The following MEI4 variants were observed in gnomAD, a reference collection of about 807,000 sequenced individuals.
MEI4 encodes the protein meiotic double-stranded break formation protein 4, also known as meiosis-specific protein MEI4.
In MEI4, 27 loss-of-function variants were observed where a neutral mutation model predicts 31.4. The ratio of observed to expected loss-of-function variants is 0.86; its 90% CI spans 0.63 to 1.19. The LOEUF (loss-of-function observed/expected upper bound fraction) is 1.19. Among genes scored for constraint, MEI4 ranks in the 50% most tolerant of loss-of-function variants. The pLI is 0.00. For missense variants in MEI4, 329 were observed against 398.9 expected, an observed-to-expected ratio of 0.82 and a Z score of 1.49; for synonymous variants, 122 against 145.4, an observed-to-expected ratio of 0.84 and a Z score of 1.16.
At chr6:77,810,329 A>G (rs566301737) in intron 3 of MEI4, among the ~76,000 whole-genome samples, 1 of 152,298 alleles carries the variant, frequency 6.6e-6, no homozygotes, top group East Asian at 1.9e-4. Flanking sequence ...CTGTAAGATT[A>G]TCTCTGGCCT....
intron 4 of MEI4, among the ~76,000 whole-genome samples, chr6:77,864,144 C>T (rs540226018): frequency 6.6e-6 from 1 of 152,228 alleles, no homozygotes; most frequent in South Asian, 2.1e-4. Flanking sequence ...TTGTAAAGAC[C>T]ATCGAGGCTA....
intron 1 of MEI4, among the ~76,000 whole-genome samples, chr6:77,672,399 C>T (rs979317482): frequency 6.6e-6 from 1 of 152,154 alleles, no homozygotes; most frequent in African/African-American, 2.4e-5. Flanking sequence ...TTTTAATTTG[C>T]TTTAAAATGT....
At chr6:77,751,319 T>G (rs1177982452) in intron 2 of MEI4, among the ~76,000 whole-genome samples, 1 of 151,046 alleles carries the variant, frequency 6.6e-6, no homozygotes. Context: ...TTGAAAAAAC[T>G]TGGTGAATCC....
At chr6:77,790,896 G>A (rs996251327) in intron 3 of MEI4, among the ~76,000 whole-genome samples, 1 of 152,132 alleles carries the variant, frequency 6.6e-6, no homozygotes, top group Admixed American at 6.5e-5. Flanking sequence ...CTTCTCAAAA[G>A]AAGACATTTA....
intron 4 of MEI4, among the ~76,000 whole-genome samples, chr6:77,922,365 G>T (rs1350940679): frequency 6.6e-6 from 1 of 151,586 alleles, no homozygotes; most frequent in African/African-American, 2.4e-5. Flanking sequence ...CTTGACTGTG[G>T]AATAGTGATA....
chr6:77,662,000 T>G (rs1421876117), intron 1 of MEI4, among the ~76,000 whole-genome samples: 1 of 152,198 alleles, frequency 6.6e-6, no homozygotes, highest in African/African-American at 2.4e-5. Flanking sequence ...TAAAGCGGCC[T>G]TGAGCAGAGT....
chr6:77,838,349 T>G (rs200741352), intron 4 of MEI4, among the ~76,000 whole-genome samples: 2 of 152,156 alleles, frequency 1.3e-5, no homozygotes, highest in South Asian at 4.1e-4. Flanking sequence ...GGTACTGAAT[T>G]AGTCTCACTG....
intron 4 of MEI4, among the ~76,000 whole-genome samples, chr6:77,900,927 T>A (rs1766175637): frequency 6.6e-6 from 1 of 151,976 alleles, no homozygotes; most frequent in Admixed American, 6.6e-5. Context: ...TGAGTTCAAC[T>A]TTTTTAGTAT....
intron 2 of MEI4, among the ~76,000 whole-genome samples, chr6:77,701,115 G>T (rs1005107451): frequency 7.2e-5 from 11 of 151,944 alleles, no homozygotes; most frequent in Admixed American, 1.3e-4. Context: ...CTTTATAAAA[G>T]ATTACTTACA....
At chr6:77,906,692 T>TA (rs558701731) in intron 4 of MEI4, among the ~76,000 whole-genome samples, 337 of 152,266 alleles carry the variant, frequency 2.2e-3, no homozygotes, top group African/African-American at 7.4e-3. Flanking sequence ...GCCTAACATA[T>TA]AGGCTTGCAG....
chr6:77,887,350 G>A (rs1290102156), intron 4 of MEI4, among the ~76,000 whole-genome samples: 1 of 151,824 alleles, frequency 6.6e-6, no homozygotes, highest in Non-Finnish European at 1.5e-5. Context: ...GGAGTGGAGT[G>A]CAGTGGCCTG....
At chr6:77,745,416 C>G (rs1767566200) in intron 2 of MEI4, among the ~76,000 whole-genome samples, 1 of 152,140 alleles carries the variant, frequency 6.6e-6, no homozygotes, top group Non-Finnish European at 1.5e-5. Context: ...ACAAAAAGAG[C>G]TAACTATCCT....
intron 1 of MEI4, among the ~76,000 whole-genome samples, chr6:77,675,815 T>G (rs1348690168): frequency 6.6e-6 from 1 of 152,198 alleles, no homozygotes; most frequent in African/African-American, 2.4e-5. Context: ...GTAACTCAAA[T>G]GGGCCACTAC....
chr6:77,781,992 T>A (rs1043209996), intron 3 of MEI4, among the ~76,000 whole-genome samples: 1 of 152,164 alleles, frequency 6.6e-6, no homozygotes, highest in Non-Finnish European at 1.5e-5. Context: ...GCTTTTTTTT[T>A]AACCCTCTGC....
At chr6:77,788,097 C>T in intron 3 of MEI4, among the ~76,000 whole-genome samples, 1 of 152,132 alleles carries the variant, frequency 6.6e-6, no homozygotes, top group Non-Finnish European at 1.5e-5. Context: ...GCTGGTTCAA[C>T]ATATGCAAAT....
chr6:77,741,863 T>C (rs1366299796), intron 2 of MEI4, among the ~76,000 whole-genome samples: 1 of 146,802 alleles, frequency 6.8e-6, no homozygotes, highest in African/African-American at 2.5e-5. Context: ...AGTGAGAACA[T>C]GCGGTGTTTG....
chr6:77,757,495 C>G (rs1767944719), intron 2 of MEI4, among the ~76,000 whole-genome samples: 1 of 152,178 alleles, frequency 6.6e-6, no homozygotes, highest in Admixed American at 6.5e-5. Flanking sequence ...TAGAGGTACT[C>G]TTTCAAATTT....
chr6:77,815,901 C>G (rs902774583), intron 3 of MEI4, among the ~76,000 whole-genome samples: 1 of 149,048 alleles, frequency 6.7e-6, no homozygotes, highest in African/African-American at 2.5e-5. Flanking sequence ...AAAAAAAAAA[C>G]CAAAACAACA....
At chr6:77,692,703 T>C (rs1769180715) in intron 2 of MEI4, among the ~76,000 whole-genome samples, 1 of 152,022 alleles carries the variant, frequency 6.6e-6, no homozygotes. Flanking sequence ...TAAATAAGGT[T>C]TCCCTCCTAG....
Sources: allele counts gnomAD v4.1 joint callset (sites outside exome capture counted in the v4.1 genomes callset), GRCh38; gene constraint gnomAD v4.1.1; transcripts MANE v1.5; gene names NCBI Gene and HGNC (gene_info 2026-07-23, HGNC 2026-07-21).